DOCK1: variants seen among roughly 807,000 people sequenced by gnomAD.
DOCK1 encodes dedicator of cytokinesis 1.
DOCK1 carries 138 observed loss-of-function variants against 262.7 expected under a neutral mutation model. That is an observed-to-expected ratio of 0.53 (90% CI 0.46 to 0.61). The LOEUF (loss-of-function observed/expected upper bound fraction) is 0.61, where lower values mean the gene tolerates loss of function less well. DOCK1 is among the 20% of genes least tolerant of loss of function. The pLI, the probability that DOCK1 is intolerant of heterozygous loss-of-function variation, is 0.00. For missense variants in DOCK1, 1,908 were observed against 2,370.7 expected, an observed-to-expected ratio of 0.80 and a Z score of 4.05; for synonymous variants, 866 against 867.4, an observed-to-expected ratio of 1.00 and a Z score of 0.03.
At chr10:127,312,924 T>A (rs1257618397) in intron 29 of DOCK1, among the ~76,000 whole-genome samples, 1 of 152,118 alleles carries the variant, frequency 6.6e-6, no homozygotes, top group Non-Finnish European at 1.5e-5. Flanking sequence ...TCTCTCCTGC[T>A]GGAAACCTTT....
chr10:127,062,589 G>C (rs1564773264), intron 23 of DOCK1, among the ~76,000 whole-genome samples: 1 of 152,184 alleles, frequency 6.6e-6, no homozygotes, highest in African/African-American at 2.4e-5. Flanking sequence ...GCCTGAACTC[G>C]AGGGAAAGGC....
intron 1 of DOCK1, among the ~76,000 whole-genome samples, chr10:126,934,029 C>T (rs2034373343): frequency 6.6e-6 from 1 of 152,082 alleles, no homozygotes; most frequent in Non-Finnish European, 1.5e-5. Context: ...GTTGGACAGG[C>T]TGGTTTCGAA....
intron 15 of DOCK1, among the ~76,000 whole-genome samples, chr10:127,025,483 G>C (rs1272958378): frequency 2.6e-5 from 4 of 152,100 alleles, no homozygotes; most frequent in Non-Finnish European, 5.9e-5. Flanking sequence ...GTCTCATTCT[G>C]TCACCCAGAC....
intron 7 of DOCK1, 155 bp from the exon 8 acceptor site, chr10:126,997,937 G>GA: frequency 2.2e-6 from 2 of 906,524 alleles, no homozygotes; most frequent in Non-Finnish European, 3.3e-6. Context: ...CATGATTTAA[G>GA]AATGTGCAGG....
intron 27 of DOCK1, among the ~76,000 whole-genome samples, chr10:127,195,608 G>T (rs1414850830): frequency 1.3e-5 from 2 of 152,090 alleles, no homozygotes; most frequent in Non-Finnish European, 2.9e-5. Context: ...AAACCTTCCG[G>T]GGAGACGGCC....
At chr10:127,367,544 G>C (rs935875237) in intron 33 of DOCK1, among the ~76,000 whole-genome samples, 1 of 152,128 alleles carries the variant, frequency 6.6e-6, no homozygotes, top group African/African-American at 2.4e-5. Context: ...AAGGCTCCAG[G>C]CTGAAGGTCC....
At chr10:127,393,523 G>T (rs373518125) in intron 38 of DOCK1, among the ~76,000 whole-genome samples, 29 of 152,248 alleles carry the variant, frequency 1.9e-4, no homozygotes, top group Non-Finnish European at 2.4e-4. Flanking sequence ...TGTTAAGGGA[G>T]CAGGGGTCCC....
At chr10:127,236,497 C>CG (rs1428745555) in intron 27 of DOCK1, among the ~76,000 whole-genome samples, 4 of 104,178 alleles carry the variant, frequency 3.8e-5, no homozygotes, top group Non-Finnish European at 5.8e-5. Context: ...CTTCTTGACA[C>CG]GGGTTTTTTT....
At chr10:127,430,673 T>C (rs984166262) in intron 47 of DOCK1, among the ~76,000 whole-genome samples, 1 of 144,520 alleles carries the variant, frequency 6.9e-6, no homozygotes, top group Non-Finnish European at 1.5e-5. Flanking sequence ...ATTTCCAGGC[T>C]GTAGCTGGCA....
chr10:127,114,902 G>A (rs527928456), intron 25 of DOCK1, among the ~76,000 whole-genome samples: 1 of 151,980 alleles, frequency 6.6e-6, no homozygotes, highest in African/African-American at 2.4e-5. Flanking sequence ...TACTACAGGC[G>A]CATGCCACTA....
intron 46 of DOCK1, among the ~76,000 whole-genome samples, chr10:127,420,074 C>T (rs192401251): frequency 6.6e-6 from 1 of 152,210 alleles, no homozygotes; most frequent in East Asian, 1.9e-4. Context: ...AGCCATGAAG[C>T]CTTGAGCTCT....
At position 127,451,342 on chromosome 10, in the gene DOCK1, C is replaced by T; in HGVS notation, c.5576C>T (p.Pro1859Leu). ...PPPPHQRHLP[P>L]PLPSKTPPPP... ...CCTCATGTTTTTTAGCATCTGCCACCTCCACTGCCCAGCAAAACTCCGCCT... is the reference window on the plus strand; with the variant it reads ...CCTCATGTTTTTTAGCATCTGCCACTTCCACTGCCCAGCAAAACTCCGCCT... Residue 1859 changes from proline (P) to leucine (L), a missense_variant, in exon 52 of 52, where the codon CCT becomes CTT. Coordinates refer to ENST00000623213, the MANE Select transcript of DOCK1 (RefSeq NM_001290223.2). The T allele has an allele frequency of 6.3e-7, 1 of 1,596,764 alleles. No individual in the cohort carries two copies. Among genetic ancestry groups the T allele is most frequent in the Non-Finnish European group, 8.5e-7 (1 of 1,171,866 alleles).
intron 47 of DOCK1, among the ~76,000 whole-genome samples, chr10:127,430,720 G>A (rs933780649): frequency 6.6e-6 from 1 of 151,626 alleles, no homozygotes; most frequent in Non-Finnish European, 1.5e-5. Context: ...TCCAGATCAC[G>A]ATGAAGTGTG....
At chr10:127,317,755 G>A (rs535593466) in intron 29 of DOCK1, among the ~76,000 whole-genome samples, 9 of 152,270 alleles carry the variant, frequency 5.9e-5, no homozygotes, top group African/African-American at 9.6e-5. Context: ...GAAACTTGCC[G>A]GTGTGCCTGC....
chr10:127,411,055 C>A (rs1259781688), intron 43 of DOCK1, 131 bp downstream of exon 43: 2 of 900,334 alleles, frequency 2.2e-6, no homozygotes, highest in East Asian at 5.3e-5. Flanking sequence ...GTATTATGTG[C>A]AGAAATCTTA....
chr10:127,224,667 C>T (rs1410959846), intron 27 of DOCK1, among the ~76,000 whole-genome samples: 2 of 151,740 alleles, frequency 1.3e-5, no homozygotes, highest in African/African-American at 4.8e-5. Context: ...CCGTGGTGAG[C>T]TCTGATCACA....
chr10:127,153,608 T>C (rs1262560203), intron 27 of DOCK1, among the ~76,000 whole-genome samples: 1 of 152,186 alleles, frequency 6.6e-6, no homozygotes, highest in African/African-American at 2.4e-5. Flanking sequence ...ATCAAACTTA[T>C]ACCAATTCTT....
chr10:127,146,544 G>A (rs2051871085), intron 27 of DOCK1, among the ~76,000 whole-genome samples: 3 of 152,138 alleles, frequency 2.0e-5, no homozygotes, highest in Non-Finnish European at 4.4e-5. Context: ...TTAAACAAAA[G>A]TATTTCCTTA....
intron 1 of DOCK1, 62 bp from the exon 2 acceptor site, chr10:126,970,640 G>A (rs1414330851): frequency 7.5e-7 from 1 of 1,327,874 alleles, no homozygotes; most frequent in African/African-American, 1.5e-5. Flanking sequence ...AAGCCAACAC[G>A]ACTCAGCATG....
Sources: gnomAD v4.1 joint callset for allele counts (sites outside exome capture counted in the v4.1 genomes callset) on GRCh38, gnomAD v4.1.1 for gene constraint, MANE v1.5 for transcripts, NCBI Gene and HGNC (gene_info 2026-07-23, HGNC 2026-07-21) for gene names.